Variants in COL24A1 observed in about 807,000 individuals in gnomAD.
The protein encoded by COL24A1 is collagen alpha-1(XXIV) chain.
Under a neutral mutation model 253.9 loss-of-function variants are expected in COL24A1, and 224 were observed. The ratio of observed to expected loss-of-function variants is 0.88; its 90% CI spans 0.79 to 0.99. The LOEUF (loss-of-function observed/expected upper bound fraction) is 0.99. COL24A1 is among the 50% of genes least tolerant of loss of function. The probability of loss-of-function intolerance (pLI) is 0.00; values close to 1 mark genes in which losing one functional copy is unlikely to be tolerated. For missense variants in COL24A1, 2,131 were observed against 2,068.5 expected (o/e 1.03, Z -0.59); for synonymous variants, 685 against 673.7 (o/e 1.02, Z -0.26).
intron 9 of COL24A1, 94 bp from the exon 10 acceptor site, chr1:86,058,069 T>C: frequency 2.1e-6 from 2 of 947,226 alleles, no homozygotes; most frequent in South Asian, 3.3e-5. Context: ...GAGCTATCAT[T>C]TTCAAAACTA....
rs1225486816 is a variant in COL24A1 at position 85,933,101 on chromosome 1, A to G, written c.2563-21668T>C. ...TTAGAGTATAATAAAAAAAAAAAAA[A>G]GAAAGAAAGAAAAAAAAAAGAATGT... On this transcript the variant is annotated intron_variant, in intron 24 of 59. Coordinates refer to ENST00000370571, the MANE Select transcript of COL24A1 (RefSeq NM_152890.7). Among the ~76,000 whole-genome samples the G allele has an allele frequency of 3.6e-5, 3 of 83,538 alleles. No individual in the cohort carries two copies. The East Asian group carries it at 1.0e-3, about 29-fold the overall frequency. The allele number at this position is 83,538 out of a possible 152,430, so 54.8% of individuals were successfully genotyped here. A position where few individuals can be genotyped will look rare whatever the true frequency, so the allele number is the denominator to read the frequency against.
At chr1:86,126,588 T>A (rs1196936039) in intron 2 of COL24A1, among the ~76,000 whole-genome samples, 1 of 152,030 alleles carries the variant, frequency 6.6e-6, no homozygotes, top group African/African-American at 2.4e-5. Context: ...TCCTCCCACC[T>A]CAGCCTCCCA....
chr1:85,799,029 C>T (rs1448853105), intron 47 of COL24A1, among the ~76,000 whole-genome samples: 1 of 152,028 alleles, frequency 6.6e-6, no homozygotes, highest in Non-Finnish European at 1.5e-5. Context: ...TCATGGTAGA[C>T]TCATTTACTA....
intron 28 of COL24A1, among the ~76,000 whole-genome samples, chr1:85,899,107 A>G (rs887961452): frequency 3.9e-5 from 6 of 151,964 alleles, no homozygotes; most frequent in African/African-American, 1.5e-4. Flanking sequence ...ATCACCCTCA[A>G]CCCTCAAGAT....
intron 7 of COL24A1, among the ~76,000 whole-genome samples, chr1:86,078,330 A>G (rs1313785904): frequency 6.6e-6 from 1 of 152,218 alleles, no homozygotes; most frequent in African/African-American, 2.4e-5. Flanking sequence ...CATATATGAT[A>G]GACCCACAGC....
intron 24 of COL24A1, among the ~76,000 whole-genome samples, chr1:85,940,608 C>T (rs2103176030): frequency 6.6e-6 from 1 of 152,206 alleles, no homozygotes; most frequent in East Asian, 1.9e-4. Flanking sequence ...CAATAGTCTA[C>T]TTTGGAGTCA....
At chr1:86,097,554 C>CT (rs1396090537) in intron 5 of COL24A1, among the ~76,000 whole-genome samples, 7 of 7,468 alleles carry the variant, frequency 9.4e-4, no homozygotes, top group Non-Finnish European at 2.0e-3. Flanking sequence ...CTCCCTCCTC[C>CT]TCCCTTCTCC....
chr1:85,899,212 T>C (rs962275723), intron 28 of COL24A1, among the ~76,000 whole-genome samples: 62 of 151,496 alleles, frequency 4.1e-4, no homozygotes, highest in Non-Finnish European at 6.3e-4. Flanking sequence ...ACACAGCTAA[T>C]TTTTTTTTGA....
chr1:85,901,649 A>C (rs1684306535), intron 28 of COL24A1, among the ~76,000 whole-genome samples: 1 of 151,742 alleles, frequency 6.6e-6, no homozygotes, highest in Admixed American at 6.6e-5. Flanking sequence ...CATCTCTACT[A>C]AAAATATAAA....
At chr1:86,078,849 G>T (rs1460648472) in intron 7 of COL24A1, among the ~76,000 whole-genome samples, 1 of 152,114 alleles carries the variant, frequency 6.6e-6, no homozygotes, top group Admixed American at 6.5e-5. Flanking sequence ...TGAATTGGAA[G>T]AATCAATATT....
intron 46 of COL24A1, among the ~76,000 whole-genome samples, 198 bp from the exon 47 acceptor site, chr1:85,817,093 G>A (rs769303778): frequency 2.0e-5 from 3 of 152,056 alleles, no homozygotes; most frequent in African/African-American, 4.8e-5. Flanking sequence ...GCCTTTAAAA[G>A]TTCCCCAAAC....
At chr1:85,876,261 G>C (rs893301759) in intron 33 of COL24A1, among the ~76,000 whole-genome samples, 1 of 152,104 alleles carries the variant, frequency 6.6e-6, no homozygotes, top group African/African-American at 2.4e-5. Context: ...ATGGGCAGGG[G>C]CAGGCCTATT....
chr1:86,084,056 T>G (rs751024364), intron 7 of COL24A1, among the ~76,000 whole-genome samples: 16 of 152,158 alleles, frequency 1.1e-4, no homozygotes, highest in Non-Finnish European at 1.9e-4. Flanking sequence ...ACAGGACTCA[T>G]GTCACCAATG....
chr1:85,905,948 A>G (rs1437253472), intron 28 of COL24A1, among the ~76,000 whole-genome samples: 1 of 152,074 alleles, frequency 6.6e-6, no homozygotes, highest in African/African-American at 2.4e-5. Flanking sequence ...GAATAAACAC[A>G]TTTGACCTAA....
At position 85,742,479 on chromosome 1, in the gene COL24A1, T is replaced by C. The variant is rs562327556; in HGVS notation, c.4672+2187A>G. Among the ~76,000 whole-genome samples, 8 of 152,286 alleles carry C rather than the reference T, an allele frequency of 5.3e-5. No individual in the cohort carries two copies. The East Asian group carries it at 1.4e-3, about 26-fold the overall frequency. On this transcript the variant is annotated intron_variant, in intron 57 of 59. Coordinates refer to ENST00000370571, the MANE Select transcript of COL24A1 (RefSeq NM_152890.7). ...TTACTATCTATGTAGTCTTAAGCAG[T>C]CTTAAGGCATTAAACACCAATTAAA...
intron 24 of COL24A1, among the ~76,000 whole-genome samples, chr1:85,948,806 T>C (rs926674737): frequency 9.9e-5 from 15 of 151,548 alleles, no homozygotes; most frequent in Admixed American, 7.2e-4. Flanking sequence ...TGAACATTGA[T>C]GCAAGCACAT....
intron 47 of COL24A1, among the ~76,000 whole-genome samples, chr1:85,800,328 ACT>A (rs1671293606): frequency 1.3e-5 from 2 of 151,820 alleles, no homozygotes; most frequent in Admixed American, 6.6e-5. Context: ...CTCACTGTCC[ACT>A]CTCTCTCCTC....
chr1:86,058,970 G>T (rs1430803701), intron 9 of COL24A1, 151 bp downstream of exon 9: 3 of 535,390 alleles, frequency 5.6e-6, no homozygotes, highest in Non-Finnish European at 9.5e-6. Flanking sequence ...AATTGTAATG[G>T]ATTTCTACAA....
At chr1:86,022,911 G>C (rs1204443488) in intron 15 of COL24A1, 34 bp from the exon 16 acceptor site, 2 of 1,612,062 alleles carry the variant, frequency 1.2e-6, no homozygotes, top group African/African-American at 2.7e-5. Flanking sequence ...TGATATCATA[G>C]ACAGATTAAA....
Sources: gnomAD v4.1 joint callset for allele counts (sites outside exome capture counted in the v4.1 genomes callset) on GRCh38, gnomAD v4.1.1 for gene constraint, MANE v1.5 for transcripts, NCBI Gene and HGNC (gene_info 2026-07-23, HGNC 2026-07-21) for gene names.